YLPM1: variants seen among roughly 807,000 people sequenced by gnomAD.
YLPM1 encodes the protein YLP motif-containing protein 1.
In YLPM1, 99 loss-of-function variants were observed where a neutral mutation model predicts 230.0. The ratio of observed to expected loss-of-function variants is 0.43; its 90% CI spans 0.37 to 0.51. The LOEUF (loss-of-function observed/expected upper bound fraction) is 0.51. Among genes scored for constraint, YLPM1 ranks in the 20% least tolerant of loss-of-function variants. The pLI, the probability that YLPM1 is intolerant of heterozygous loss-of-function variation, is 0.00. For synonymous variants in YLPM1, 984 were observed against 942.5 expected (o/e 1.04, Z -0.81); for missense variants, 2,592 against 2,707.7 (o/e 0.96, Z 0.95).
chr14:74,763,605 C>G lies in YLPM1; in HGVS notation c.116C>G (p.Ser39Trp). 2 of 1,592,482 alleles carry G rather than the reference C, an allele frequency of 1.3e-6. No homozygotes were observed. The highest frequency in any genetic ancestry group is 2.3e-5 in the East Asian group (1 of 42,706). The change falls in exon 1 of 21, where the codon TCG becomes TGG. Residue 39 changes from serine to tryptophan, a missense_variant. Physicochemically the swap from Ser to Trp is radical, Grantham distance 177. This residue lies in a region of YLPM1 where 1,862 missense variants were observed against 1,819.8 expected (regional missense o/e 1.02). Coordinates refer to ENST00000325680, the MANE Select transcript of YLPM1 (RefSeq NM_019589.3). ...TCGCCGGGGCCCGGGTACTCGAGCT[C>G]GACGACTCCCGCGGCCCCCTCCTCC... The part of the protein sequence containing the change: ...EASPGPGYSS[S>W]TTPAAPSSSG...
At chr14:74,827,792 A>G (rs1220656768) in intron 18 of YLPM1, 2 of 985,222 alleles carry the variant, frequency 2.0e-6, no homozygotes, top group Admixed American at 6.2e-5. Flanking sequence ...TTGGTTTTCT[A>G]ATACCATAAC....
In YLPM1 at chr14:74,763,790, C is replaced by A; in HGVS notation, c.301C>A (p.Gln101Lys). 1 of 1,516,338 alleles carries A rather than the reference C, an allele frequency of 6.6e-7. No homozygotes were observed. The highest frequency in any genetic ancestry group is 8.8e-7 in the Non-Finnish European group (1 of 1,133,514). The allele number at this position is 1,516,338 out of a possible 1,614,324, so 93.9% of individuals were successfully genotyped here. Residue 101 changes from glutamine to lysine, a missense_variant, in exon 1 of 21, where the codon CAG becomes AAG. Coordinates refer to ENST00000325680, the MANE Select transcript of YLPM1 (RefSeq NM_019589.3). ...VMPGGGYGDW[Q>K]PPPPPMPPPP... The stretch of plus-strand genomic sequence containing the variant: ...GCCGGGGGGCGGCTACGGAGACTGG[C>A]AGCCGCCACCGCCACCGATGCCCCC...
chr14:74,815,423 G>T (rs1051651626), intron 11 of YLPM1, among the ~76,000 whole-genome samples: 4 of 152,100 alleles, frequency 2.6e-5, no homozygotes, highest in African/African-American at 7.2e-5. Flanking sequence ...TTAGGCGGGC[G>T]TGGTGGCAGG....
intron 19 of YLPM1, 84 bp downstream of exon 19, chr14:74,829,427 A>G (rs1033841735): frequency 2.4e-5 from 38 of 1,556,114 alleles, no homozygotes; most frequent in Non-Finnish European, 2.9e-5. Flanking sequence ...AGATGATCAC[A>G]TGGATGCTAT....
At chr14:74,782,398 GTA>G in intron 4 of YLPM1, 73 bp downstream of exon 4, 1 of 1,449,306 alleles carries the variant, frequency 6.9e-7, no homozygotes. Context: ...GTTCTCGATG[GTA>G]TAAAAAGCTT....
intron 18 of YLPM1, 33 bp downstream of exon 18, chr14:74,824,340 G>T (rs2091546219): frequency 6.3e-7 from 1 of 1,597,606 alleles, no homozygotes; most frequent in Non-Finnish European, 8.6e-7. Context: ...TTTTATATGT[G>T]ATACCTGATG....
At chr14:74,790,713 G>A (rs1274831633) in intron 4 of YLPM1, among the ~76,000 whole-genome samples, 3 of 151,904 alleles carry the variant, frequency 2.0e-5, no homozygotes, top group Admixed American at 1.3e-4. Flanking sequence ...GTTTTTATGT[G>A]ATTGTATTTA....
intron 9 of YLPM1, 119 bp downstream of exon 9, chr14:74,810,539 G>T: frequency 9.2e-7 from 1 of 1,084,944 alleles, no homozygotes; most frequent in Non-Finnish European, 1.3e-6. Context: ...GTAATTTGGA[G>T]GGGGAAGAAC....
rs1306647418 is a variant in YLPM1, at chr14:74,798,845, A to G, written c.3548A>G (p.Tyr1183Cys). ...PGDGGEKMYP[Y>C]HRDEPPRAPW... is the part of the protein sequence containing the mutation. ...GATGGTGGGGAAAAAATGTATCCAT[A>G]TCACCGGGATGAGCCTCCTAGGGCT... Residue 1183 changes from tyrosine (Y) to cysteine (C), a missense_variant, in exon 5 of 21, where the codon TAT (tyrosine) becomes TGT (cysteine). By Grantham distance (194) the Tyr-to-Cys change is radical. Around this residue, in one of 4 missense-constraint regions of YLPM1, gnomAD observed 1,862 missense variants for 1,819.8 expected, o/e 1.02. Coordinates refer to ENST00000325680, the MANE Select transcript of YLPM1 (RefSeq NM_019589.3). The G allele has an allele frequency of 1.9e-6, 3 of 1,613,942 alleles. No homozygotes were observed. The highest frequency in any genetic ancestry group is 2.5e-6 in the Non-Finnish European group (3 of 1,179,866).
intron 4 of YLPM1, among the ~76,000 whole-genome samples, chr14:74,785,801 C>T (rs778273841): frequency 3.5e-4 from 53 of 152,186 alleles, no homozygotes; most frequent in Non-Finnish European, 5.3e-4. Context: ...TTTATAAAAA[C>T]GAGATTTCTA....
chr14:74,802,741 A>AT (rs1420517090), intron 6 of YLPM1, 65 bp downstream of exon 6: 111 of 1,457,724 alleles, frequency 7.6e-5, no homozygotes, highest in South Asian at 3.7e-4. Context: ...ATGTTGTTTG[A>AT]TTTTTTTTAG....
In YLPM1 at chr14:74,816,646, A is replaced by G; in HGVS notation, c.5641A>G (p.Lys1881Glu). 1 of 1,613,724 alleles carries G rather than the reference A, an allele frequency of 6.2e-7. No individual in the cohort carries two copies. Among genetic ancestry groups the G allele is most frequent in the South Asian group, 1.1e-5 (1 of 90,982 alleles). The change falls in exon 13 of 21, where the codon AAA (lysine) becomes GAA (glutamate). Residue 1881 changes from lysine (K) to glutamate (E), a missense_variant. Physicochemically the swap from Lys to Glu is moderately conservative, Grantham distance 56. Coordinates refer to ENST00000325680, the MANE Select transcript of YLPM1 (RefSeq NM_019589.3). ...TGATTACTTCATCACTGAAGTGGAA[A>G]AAGAAGAAAAAGATCCAGATTCTGG... is the stretch of plus-strand genomic sequence containing the variant. The part of the protein sequence containing the change: ...LDDYFITEVE[K>E]EEKDPDSGKK...
intron 18 of YLPM1, chr14:74,827,468 G>T: frequency 1.0e-6 from 1 of 985,372 alleles, no homozygotes; most frequent in Non-Finnish European, 1.2e-6. Flanking sequence ...ATTTCAAAAA[G>T]GGTGCTCAGA....
chr14:74,813,949 T>C (rs1186392675), intron 11 of YLPM1, among the ~76,000 whole-genome samples: 1 of 152,236 alleles, frequency 6.6e-6, no homozygotes, highest in African/African-American at 2.4e-5. Flanking sequence ...GAATGCCTTT[T>C]ATTTCTTGCC....
chr14:74,763,495 C>T lies in YLPM1; in HGVS notation c.6C>T (p.Tyr2=). The T allele has an allele frequency of 6.7e-7, 1 of 1,484,998 alleles. No homozygotes were observed. Among genetic ancestry groups the T allele is most frequent in the South Asian group, 1.3e-5 (1 of 75,068 alleles). 92.0% of individuals were successfully genotyped at this position (1,484,998 alleles called of 1,614,324 possible). A position where few individuals can be genotyped will look rare whatever the true frequency, so the allele number is the denominator to read the frequency against. The stretch of plus-strand genomic sequence containing the variant: ...CCTGCGCCTTCTTTTTCGATATGTA[C>T]CCGAATTGGGGCCGGTATGGCGGGA... M[Y]PNWGRYGGSS... is the part of the protein sequence containing the mutation. Residue 2 remains tyrosine (Y), a synonymous_variant, in exon 1 of 21, where the codon TAC becomes TAT. Coordinates refer to ENST00000325680, the MANE Select transcript of YLPM1 (RefSeq NM_019589.3).
In YLPM1 at chr14:74,816,630, C is replaced by T; in HGVS notation, c.5625C>T (p.Phe1875=). The T allele has an allele frequency of 1.2e-6, 2 of 1,613,602 alleles. No homozygotes were observed. The highest frequency in any genetic ancestry group is 1.7e-6 in the Non-Finnish European group (2 of 1,179,726). Residue 1875 remains phenylalanine (F), a synonymous_variant, in exon 13 of 21, where the codon TTC becomes TTT. Coordinates refer to ENST00000325680, the MANE Select transcript of YLPM1 (RefSeq NM_019589.3). ...APRVLSLDDY[F]ITEVEKEEKD... Reference sequence around the variant, plus strand: ...GAGTTCTAAGCCTGGATGATTACTTCATCACTGAAGTGGAAAAAGAAGAAA... The same window carrying T: ...GAGTTCTAAGCCTGGATGATTACTTTATCACTGAAGTGGAAAAAGAAGAAA...
rs1450807503 is a variant in YLPM1, at chr14:74,797,998, A to C, written c.2701A>C (p.Asn901His). The C allele has an allele frequency of 6.2e-7, 1 of 1,613,690 alleles. No individual in the cohort carries two copies. Among genetic ancestry groups the C allele is most frequent in the South Asian group, 1.1e-5 (1 of 91,060 alleles). Residue 901 changes from asparagine (N) to histidine (H), a missense_variant, in exon 5 of 21, where the codon AAT becomes CAT. Transcript: ENST00000325680. ...TGTCAAGGCGGCTCAGTCAAATGAG[A>C]ATCTAAGCGACTCTCAACAAGAGCC... Reference protein sequence around the residue: ...KDVKAAQSNENLSDSQQEPPK... With the variant: ...KDVKAAQSNEHLSDSQQEPPK...
At chr14:74,790,986 A>G (rs1028589972) in intron 4 of YLPM1, among the ~76,000 whole-genome samples, 16 of 152,200 alleles carry the variant, frequency 1.1e-4, no homozygotes, top group African/African-American at 3.9e-4. Flanking sequence ...TCATGCCTGT[A>G]ATCCTAGCGC....
intron 1 of YLPM1, among the ~76,000 whole-genome samples, chr14:74,768,337 C>T (rs954853169): frequency 6.6e-6 from 1 of 152,126 alleles, no homozygotes; most frequent in African/African-American, 2.4e-5. Flanking sequence ...GCAACTTCCA[C>T]TTCCTGGGTT....
Sources: allele counts gnomAD v4.1 joint callset (sites outside exome capture counted in the v4.1 genomes callset), GRCh38; gene constraint gnomAD v4.1.1; regional missense constraint gnomAD v4.1.1; transcripts MANE v1.5; gene names NCBI Gene and HGNC (gene_info 2026-07-23, HGNC 2026-07-21).